The following IPMK variants were observed in gnomAD, a reference collection of about 807,000 sequenced individuals.
The protein encoded by IPMK is inositol 1,3,4,6-tetrakisphosphate 5-kinase.
A neutral mutation model predicts 45.8 loss-of-function variants in IPMK; 17 were observed. That is an observed-to-expected ratio of 0.37 (90% CI 0.25 to 0.56). IPMK has a LOEUF of 0.56. IPMK is among the 20% of genes least tolerant of loss of function. The pLI is 0.79. For missense variants in IPMK, 399 were observed against 498.0 expected, an observed-to-expected ratio of 0.80 and a Z score of 1.89; for synonymous variants, 180 against 184.3, an observed-to-expected ratio of 0.98 and a Z score of 0.19.
intron 1 of IPMK, among the ~76,000 whole-genome samples, chr10:58,257,292 C>G (rs1000025768): frequency 6.6e-6 from 1 of 152,012 alleles, no homozygotes; most frequent in Non-Finnish European, 1.5e-5. Context: ...GTCAGGAGTT[C>G]GAGACAAGCC....
At chr10:58,207,134 C>A (rs1838082806) in intron 4 of IPMK, among the ~76,000 whole-genome samples, 1 of 152,192 alleles carries the variant, frequency 6.6e-6, no homozygotes, top group Non-Finnish European at 1.5e-5. Context: ...TCCTGAGTAG[C>A]TAGGACTACA....
At position 58,195,229 on chromosome 10, in the gene IPMK, T is replaced by C. The variant is rs1187247706; in HGVS notation, c.*847A>G. On this transcript the variant is annotated 3_prime_UTR_variant, in exon 6 of 6. Coordinates refer to ENST00000373935, the MANE Select transcript of IPMK (RefSeq NM_152230.5). ...TAGAGGAGAAATAAAACTTCAATTA[T>C]TTACTTTTTTGAAGCTGCATTTAGA... 6.6e-6 allele frequency: 1 copy of C among 152,102 alleles called. No individual in the cohort carries two copies. Among genetic ancestry groups the C allele is most frequent in the Non-Finnish European group, 1.5e-5 (1 of 67,934 alleles). The allele number at this position is 152,102 out of a possible 1,614,324, so 9.4% of individuals were successfully genotyped here. A position where few individuals can be genotyped will look rare whatever the true frequency, so the allele number is the denominator to read the frequency against.
In IPMK at chr10:58,191,794, C is replaced by G. The variant is rs1055592075; in HGVS notation, c.*4282G>C. The G allele has an allele frequency of 1.3e-5, 2 of 152,044 alleles. No homozygotes were observed. The highest frequency in any genetic ancestry group is 4.8e-5 in the African/African-American group (2 of 41,420). The allele number at this position is 152,044 out of a possible 1,614,324, so 9.4% of individuals were successfully genotyped here. A position where few individuals can be genotyped will look rare whatever the true frequency, so the allele number is the denominator to read the frequency against. ...AAGTACAATAAATTTAGCATTGCTG[C>G]TTATAGTCACTAATAACACAATTTT... On this transcript the variant is annotated 3_prime_UTR_variant, in exon 6 of 6. Transcript: ENST00000373935.
At chr10:58,216,397 G>A in intron 3 of IPMK, 80 bp from the exon 4 acceptor site, 1 of 587,496 alleles carries the variant, frequency 1.7e-6, no homozygotes, top group East Asian at 3.4e-5. Context: ...AACAAGATGA[G>A]AAAATCCTAA....
chr10:58,207,066 G>A lies in IPMK; in HGVS notation c.547-7745C>T, dbSNP rs574009303. On this transcript the variant is annotated intron_variant, in intron 4 of 5. Transcript: ENST00000373935. ...GCCCAGGCCTGGAGCGCAATGGCACGATCTCAGCTCACTGCAAACTCCGCC... is the reference window on the plus strand; with the variant it reads ...GCCCAGGCCTGGAGCGCAATGGCACAATCTCAGCTCACTGCAAACTCCGCC... Among the ~76,000 whole-genome samples, 14 of 152,176 alleles carry A rather than the reference G, an allele frequency of 9.2e-5. No individual in the cohort carries two copies. In the East Asian group the frequency reaches 1.5e-3, roughly 17 times the overall value.
At chr10:58,210,844 C>G (rs1838147933) in intron 4 of IPMK, among the ~76,000 whole-genome samples, 1 of 152,190 alleles carries the variant, frequency 6.6e-6, no homozygotes, top group South Asian at 2.1e-4. Flanking sequence ...TTCAAAAGAT[C>G]TGTGAATTCG....
intron 3 of IPMK, among the ~76,000 whole-genome samples, chr10:58,225,081 A>C (rs1838392667): frequency 6.6e-6 from 1 of 151,980 alleles, no homozygotes; most frequent in African/African-American, 2.4e-5. Flanking sequence ...CTACTGGACC[A>C]CTCTGTTATC....
intron 2 of IPMK, among the ~76,000 whole-genome samples, chr10:58,233,456 T>A (rs142796932): frequency 0.01 from 1,523 of 152,182 alleles, 21 homozygotes; most frequent in African/African-American, 0.033. Flanking sequence ...CAGCAGCACA[T>A]CAAAAAGCTT....
At chr10:58,240,583 A>G (rs1406314367) in intron 1 of IPMK, among the ~76,000 whole-genome samples, 1 of 151,842 alleles carries the variant, frequency 6.6e-6, no homozygotes, top group Non-Finnish European at 1.5e-5. Context: ...ACAAAATCAT[A>G]ACTTTTCACG....
At chr10:58,215,945 G>A (rs1476886920) in intron 4 of IPMK, among the ~76,000 whole-genome samples, 200 bp downstream of exon 4, 1 of 151,712 alleles carries the variant, frequency 6.6e-6, no homozygotes, top group Non-Finnish European at 1.5e-5. Context: ...TCCCGAACCA[G>A]AGAAACTGAC....
intron 4 of IPMK, 87 bp from the exon 5 acceptor site, chr10:58,199,408 A>C: frequency 1.3e-6 from 1 of 747,126 alleles, no homozygotes; most frequent in South Asian, 2.3e-5. Flanking sequence ...TAAAGATGAA[A>C]TCTACTCAGG....
At chr10:58,259,544 G>T (rs1839024657) in intron 1 of IPMK, among the ~76,000 whole-genome samples, 2 of 151,882 alleles carry the variant, frequency 1.3e-5, no homozygotes, top group African/African-American at 4.8e-5. Flanking sequence ...AATGTAATAG[G>T]AATGAGGGCT....
chr10:58,194,618 A>G lies in IPMK; in HGVS notation c.*1458T>C, dbSNP rs1295059404. On this transcript the variant is annotated 3_prime_UTR_variant, in exon 6 of 6. Coordinates refer to ENST00000373935, the MANE Select transcript of IPMK (RefSeq NM_152230.5). ...GTAAAATAAACATAAAATTGTGATA[A>G]TTTTCTCCACACCACAATAAAGGTG... The G allele has an allele frequency of 3.3e-5, 5 of 151,858 alleles. No individual in the cohort carries two copies. The highest frequency in any genetic ancestry group is 5.9e-5 in the Non-Finnish European group (4 of 67,792). The allele number at this position is 151,858 out of a possible 1,614,324, so 9.4% of individuals were successfully genotyped here.
intron 3 of IPMK, among the ~76,000 whole-genome samples, chr10:58,223,880 G>T (rs1588959496): frequency 6.6e-6 from 1 of 152,144 alleles, no homozygotes; most frequent in African/African-American, 2.4e-5. Flanking sequence ...TGTAAGACGT[G>T]CCTTGCTTTC....
intron 4 of IPMK, among the ~76,000 whole-genome samples, chr10:58,201,532 C>G (rs946765429): frequency 7.9e-5 from 12 of 152,132 alleles, no homozygotes; most frequent in Admixed American, 3.3e-4. Context: ...CAGCTGTTCC[C>G]CCATCTCTCT....
intron 1 of IPMK, among the ~76,000 whole-genome samples, chr10:58,258,935 G>T (rs1490714452): frequency 1.3e-5 from 2 of 152,064 alleles, no homozygotes; most frequent in African/African-American, 4.8e-5. Flanking sequence ...AAAATAAGTT[G>T]GTTTAAATAT....
intron 1 of IPMK, among the ~76,000 whole-genome samples, chr10:58,239,326 G>T (rs904995460): frequency 3.9e-5 from 6 of 152,138 alleles, no homozygotes; most frequent in Non-Finnish European, 8.8e-5. Flanking sequence ...TGGAGCACAA[G>T]AAAGGCCTTT....
chr10:58,209,098 T>C (rs1255955539), intron 4 of IPMK, among the ~76,000 whole-genome samples: 4 of 152,182 alleles, frequency 2.6e-5, no homozygotes, highest in East Asian at 1.9e-4. Context: ...CAGGGAGTGA[T>C]TGTGACTCTG....
intron 4 of IPMK, among the ~76,000 whole-genome samples, chr10:58,201,342 T>C (rs1018002687): frequency 1.3e-5 from 2 of 152,226 alleles, no homozygotes; most frequent in Non-Finnish European, 2.9e-5. Flanking sequence ...TGTGCTCATT[T>C]CATTTCTCTG....
Sources: allele counts gnomAD v4.1 joint callset (sites outside exome capture counted in the v4.1 genomes callset), GRCh38; gene constraint gnomAD v4.1.1; transcripts MANE v1.5; gene names NCBI Gene and HGNC (gene_info 2026-07-23, HGNC 2026-07-21).